The following P4HA1 variants were observed in gnomAD, a reference collection of about 807,000 sequenced individuals.
P4HA1 encodes the protein prolyl 4-hydroxylase subunit alpha-1.
In P4HA1, 24 loss-of-function variants were observed where a neutral mutation model predicts 72.8. That is an observed-to-expected ratio of 0.33 (90% CI 0.24 to 0.46). The LOEUF (loss-of-function observed/expected upper bound fraction) is 0.46, where lower values mean the gene tolerates loss of function less well. P4HA1 is among the 20% of genes least tolerant of loss of function. The pLI is 1.00. For synonymous variants in P4HA1, 201 were observed against 218.8 expected (o/e 0.92, Z 0.72); for missense variants, 446 against 640.6 (o/e 0.70, Z 3.28).
At chr10:73,070,018 C>T (rs1841516062) in intron 4 of P4HA1, among the ~76,000 whole-genome samples, 2 of 151,674 alleles carry the variant, frequency 1.3e-5, no homozygotes, top group Admixed American at 1.3e-4. Flanking sequence ...CCGTGTTGCC[C>T]AGGCTGGTCT....
chr10:73,096,525 A>T (rs530293726), intron 1 of P4HA1, among the ~76,000 whole-genome samples: 1 of 151,930 alleles, frequency 6.6e-6, no homozygotes, highest in Non-Finnish European at 1.5e-5. Context: ...CAGCGGTCCG[A>T]GGCGCACTAG....
At chr10:73,086,320 G>A (rs887822976) in intron 1 of P4HA1, among the ~76,000 whole-genome samples, 8 of 152,198 alleles carry the variant, frequency 5.3e-5, no homozygotes, top group South Asian at 4.1e-4. Context: ...TGGTCTATCC[G>A]TACAATGGAA....
chr10:73,084,655 G>A (rs1841890577), intron 1 of P4HA1, among the ~76,000 whole-genome samples: 1 of 152,064 alleles, frequency 6.6e-6, no homozygotes, highest in African/African-American at 2.4e-5. Context: ...CTTGAAAAAT[G>A]ACCATTTGGG....
chr10:73,049,313 CA>C (rs1840956467), intron 7 of P4HA1, among the ~76,000 whole-genome samples: 1 of 152,096 alleles, frequency 6.6e-6, no homozygotes, highest in Non-Finnish European at 1.5e-5. Context: ...TTGAGTTTAC[CA>C]GTAGTAAAGA....
Position 73,044,042 on chromosome 10 carries a change from G to C in P4HA1, c.1148+939C>G. On this transcript the variant is annotated intron_variant, in intron 9 of 14. Transcript: ENST00000394890. ...GTTTGTTTTGTTTTGCCAAGCCACA[G>C]GTGATTGGAAGGGTTCAGATTGGTC... is the stretch of plus-strand genomic sequence containing the variant. 9 of 959,984 alleles carry C rather than the reference G, an allele frequency of 9.4e-6. 1 individual carries two copies. In the South Asian group the frequency reaches 1.2e-4, roughly 13 times the overall value. The allele number at this position is 959,984 out of a possible 1,614,324, so 59.5% of individuals were successfully genotyped here. A position where few individuals can be genotyped will look rare whatever the true frequency, so the allele number is the denominator to read the frequency against.
intron 7 of P4HA1, among the ~76,000 whole-genome samples, chr10:73,048,836 G>T (rs560540193): frequency 1.9e-4 from 29 of 152,198 alleles, no homozygotes; most frequent in African/African-American, 6.0e-4. Flanking sequence ...AAACAGAAAA[G>T]AAAATGTTTA....
intron 12 of P4HA1, among the ~76,000 whole-genome samples, chr10:73,012,792 T>A (rs12253449): frequency 0.15 from 22,920 of 152,004 alleles, 2,848 homozygotes; most frequent in African/African-American, 0.32. Flanking sequence ...ATATATATAT[T>A]TTTTTTATTT....
At chr10:73,020,071 CA>C (rs1377727863) in intron 10 of P4HA1, among the ~76,000 whole-genome samples, 3 of 151,852 alleles carry the variant, frequency 2.0e-5, no homozygotes, top group South Asian at 2.1e-4. Context: ...TAGATTCAAC[CA>C]AAAAAAGTCC....
At chr10:73,056,371 C>T (rs113659662) in intron 5 of P4HA1, among the ~76,000 whole-genome samples, 16 of 152,292 alleles carry the variant, frequency 1.1e-4, no homozygotes, top group African/African-American at 3.6e-4. Flanking sequence ...GTGGCTCACG[C>T]CTGCAATCCC....
intron 5 of P4HA1, among the ~76,000 whole-genome samples, chr10:73,056,358 G>A (rs536933398): frequency 2.6e-5 from 4 of 152,082 alleles, no homozygotes; most frequent in African/African-American, 4.8e-5. Context: ...TAGGCCAGGC[G>A]TGGTGGCTCA....
intron 9 of P4HA1, among the ~76,000 whole-genome samples, chr10:73,031,299 T>C (rs12241143): frequency 0.16 from 24,237 of 152,068 alleles, 3,219 homozygotes; most frequent in African/African-American, 0.34. Context: ...GCCTGGGCAA[T>C]ACAGTGAGAC....
intron 1 of P4HA1, among the ~76,000 whole-genome samples, chr10:73,095,389 G>GT (rs1215109556): frequency 6.6e-6 from 1 of 151,918 alleles, no homozygotes; most frequent in Admixed American, 6.6e-5. Context: ...CCTTTAAAAT[G>GT]TTTTTTAAAT....
At chr10:73,050,399 T>A (rs1840990342) in intron 7 of P4HA1, among the ~76,000 whole-genome samples, 1 of 135,398 alleles carries the variant, frequency 7.4e-6, no homozygotes, top group Non-Finnish European at 1.5e-5. Context: ...TATACTGTAA[T>A]TTTTTTTTTA....
intron 5 of P4HA1, among the ~76,000 whole-genome samples, chr10:73,059,873 A>T (rs1004402123): frequency 2.4e-4 from 37 of 152,294 alleles, no homozygotes; most frequent in Non-Finnish European, 4.1e-4. Flanking sequence ...TGAGCCCAGG[A>T]GTTCAAGGCT....
In P4HA1 at chr10:73,084,179, AAAAAGTTT is replaced by A. The variant is rs1160136790; in HGVS notation, c.-32-9272_-32-9265del. ...TTTTCACCACCCTAAGGATACAAGTAAAAAGTTTAAAAGTTTTGTACAATATGCACTTT... is the reference window on the plus strand; with the variant it reads ...TTTTCACCACCCTAAGGATACAAGTAAAAAGTTTTGTACAATATGCACTTT... On this transcript the variant is annotated intron_variant, in intron 1 of 14. Coordinates refer to ENST00000394890, the MANE Select transcript of P4HA1 (RefSeq NM_001017962.3). Among the ~76,000 whole-genome samples, 8 of 152,240 alleles carry A rather than the reference AAAAAGTTT, an allele frequency of 5.3e-5. No homozygotes were observed. In the East Asian group the frequency reaches 9.6e-4, roughly 18 times the overall value.
intron 12 of P4HA1, 35 bp from the exon 13 acceptor site, chr10:73,011,072 G>C (rs1839901633): frequency 6.5e-7 from 1 of 1,529,646 alleles, no homozygotes; most frequent in Non-Finnish European, 9.0e-7. Context: ...CAAAAGTGCT[G>C]GTAGAATAAA....
intron 1 of P4HA1, among the ~76,000 whole-genome samples, chr10:73,094,677 GA>G (rs1259810221): frequency 1.3e-5 from 2 of 152,162 alleles, no homozygotes; most frequent in East Asian, 3.9e-4. Context: ...AATGCCGTTT[GA>G]ACTTAATTGC....
chr10:73,051,014 C>T (rs770796658), intron 7 of P4HA1, 39 bp downstream of exon 7: 5 of 1,408,424 alleles, frequency 3.6e-6, no homozygotes, highest in South Asian at 2.4e-5. Flanking sequence ...CACATACACA[C>T]ACACATTCAC....
At chr10:73,034,441 TC>T (rs1840516112) in intron 9 of P4HA1, among the ~76,000 whole-genome samples, 1 of 152,008 alleles carries the variant, frequency 6.6e-6, no homozygotes, top group African/African-American at 2.4e-5. Flanking sequence ...GAACAACAAC[TC>T]CCATCTCTCC....
Sources: allele counts gnomAD v4.1 joint callset (sites outside exome capture counted in the v4.1 genomes callset), GRCh38; gene constraint gnomAD v4.1.1; transcripts MANE v1.5; gene names NCBI Gene and HGNC (gene_info 2026-07-23, HGNC 2026-07-21).